GABRB3: variants seen among roughly 807,000 people sequenced by gnomAD.
The protein encoded by GABRB3 is gamma-aminobutyric acid receptor subunit beta-3.
In GABRB3, 14 loss-of-function variants were observed where a neutral mutation model predicts 52.1. That is an observed-to-expected ratio of 0.27 (90% confidence interval 0.18 to 0.42). The LOEUF (loss-of-function observed/expected upper bound fraction) is 0.42. Among genes scored for constraint, GABRB3 ranks in the 10% least tolerant of loss-of-function variants. The pLI, the probability that GABRB3 is intolerant of heterozygous loss-of-function variation, is 1.00. For synonymous variants in GABRB3, 260 were observed against 232.3 expected, an observed-to-expected ratio of 1.12 and a Z score of -1.08; for missense variants, 307 against 609.1, an observed-to-expected ratio of 0.50 and a Z score of 5.22.
intron 3 of GABRB3, among the ~76,000 whole-genome samples, chr15:26,706,314 T>C (rs562104772): frequency 6.6e-6 from 1 of 152,284 alleles, no homozygotes; most frequent in South Asian, 2.1e-4. Context: ...AAAATCTTCA[T>C]ACAAAAGAGT....
At chr15:26,664,093 T>G (rs894312658) in intron 3 of GABRB3, among the ~76,000 whole-genome samples, 3 of 152,152 alleles carry the variant, frequency 2.0e-5, no homozygotes, top group African/African-American at 7.2e-5. Flanking sequence ...ATTGCCCAGG[T>G]GGGAATGCAG....
intron 3 of GABRB3, among the ~76,000 whole-genome samples, chr15:26,769,859 C>T (rs968682735): frequency 1.3e-5 from 2 of 152,140 alleles, no homozygotes; most frequent in Admixed American, 6.5e-5. Flanking sequence ...GTCATATCTG[C>T]TCTAAGAGTT....
intron 3 of GABRB3, among the ~76,000 whole-genome samples, chr15:26,667,829 C>T (rs1887763601): frequency 6.6e-6 from 1 of 152,142 alleles, no homozygotes; most frequent in Non-Finnish European, 1.5e-5. Context: ...CCACGTGACT[C>T]AGAGGCATGC....
At chr15:26,681,689 C>T (rs190159202) in intron 3 of GABRB3, among the ~76,000 whole-genome samples, 47 of 152,314 alleles carry the variant, frequency 3.1e-4, no homozygotes, top group African/African-American at 1.1e-3. Flanking sequence ...TGGTCAGAGA[C>T]AGTGGCTCAT....
chr15:26,634,881 G>T (rs1372352566), intron 3 of GABRB3, among the ~76,000 whole-genome samples: 4 of 138,418 alleles, frequency 2.9e-5, no homozygotes, highest in African/African-American at 1.0e-4. Flanking sequence ...CATATTTATA[G>T]AGAGAAAAAA....
chr15:26,656,190 C>T (rs1887367971), intron 3 of GABRB3, among the ~76,000 whole-genome samples: 1 of 152,162 alleles, frequency 6.6e-6, no homozygotes, highest in South Asian at 2.1e-4. Flanking sequence ...CTCAGCAGAA[C>T]TCACCTGCCT....
chr15:26,576,179 G>C (rs1039118644), intron 6 of GABRB3, among the ~76,000 whole-genome samples: 1 of 152,180 alleles, frequency 6.6e-6, no homozygotes, highest in Non-Finnish European at 1.5e-5. Flanking sequence ...CTTTTAACCT[G>C]ATCCCGTAAT....
At chr15:26,746,754 G>A (rs1322275338) in intron 3 of GABRB3, among the ~76,000 whole-genome samples, 7 of 152,026 alleles carry the variant, frequency 4.6e-5, no homozygotes, top group Non-Finnish European at 1.0e-4. Flanking sequence ...TTGGGAGGCC[G>A]AGAGGGGCAG....
At chr15:26,761,677 C>T (rs936438521) in intron 3 of GABRB3, among the ~76,000 whole-genome samples, 5 of 152,096 alleles carry the variant, frequency 3.3e-5, no homozygotes, top group African/African-American at 1.2e-4. Flanking sequence ...TCCTCTGCTG[C>T]CACAGCCCCC....
At chr15:26,755,436 T>C (rs1429656624) in intron 3 of GABRB3, among the ~76,000 whole-genome samples, 1 of 152,356 alleles carries the variant, frequency 6.6e-6, no homozygotes, top group African/African-American at 2.4e-5. Context: ...TGAACATGTG[T>C]ATTCTATTGC....
intron 3 of GABRB3, among the ~76,000 whole-genome samples, chr15:26,634,815 T>G (rs1423896316): frequency 2.7e-5 from 4 of 149,550 alleles, no homozygotes; most frequent in Non-Finnish European, 5.9e-5. Context: ...ACTCACTAAA[T>G]ACGTGTGTAT....
intron 3 of GABRB3, among the ~76,000 whole-genome samples, chr15:26,751,982 C>A (rs777408525): frequency 3.9e-5 from 6 of 152,118 alleles, no homozygotes; most frequent in Non-Finnish European, 8.8e-5. Flanking sequence ...GCATGTCTGC[C>A]TCTCCCAAGA....
chr15:26,672,910 A>G (rs1171427415), intron 3 of GABRB3, among the ~76,000 whole-genome samples: 1 of 152,228 alleles, frequency 6.6e-6, no homozygotes, highest in Non-Finnish European at 1.5e-5. Context: ...TTGGGGTTGA[A>G]TAACTACTTA....
At position 26,734,108 on chromosome 15, in the gene GABRB3, C is replaced by A. The variant is rs1019581522; in HGVS notation, c.240+38294G>T. Among the ~76,000 whole-genome samples the A allele has an allele frequency of 3.1e-4, 44 of 141,202 alleles. 1 individual carries two copies. Among genetic ancestry groups the A allele is most frequent in the African/African-American group, 1.1e-3 (43 of 38,416 alleles). 92.6% of individuals were successfully genotyped at this position (141,202 alleles called of 152,430 possible). A position where few individuals can be genotyped will look rare whatever the true frequency, so the allele number is the denominator to read the frequency against. ...GCAATGGCATGATCTCGCCTCAACA[C>A]AACCTCCGCCTCCTGGGTTCAAGCA... On this transcript the variant is annotated intron_variant, in intron 3 of 8. Transcript: ENST00000311550.
intron 8 of GABRB3, among the ~76,000 whole-genome samples, chr15:26,554,044 T>TA: frequency 9.1e-6 from 1 of 109,624 alleles, no homozygotes; most frequent in Non-Finnish European, 1.8e-5. Flanking sequence ...TATTTATTTA[T>TA]TTATATTTAT....
At chr15:26,682,307 C>A (rs1331007349) in intron 3 of GABRB3, among the ~76,000 whole-genome samples, 1 of 152,196 alleles carries the variant, frequency 6.6e-6, no homozygotes, top group African/African-American at 2.4e-5. Flanking sequence ...CCCTGTGCAA[C>A]TGGCCCTTTT....
chr15:26,615,244 TAGTC>T (rs1177135080), intron 4 of GABRB3: 31 of 977,310 alleles, frequency 3.2e-5, no homozygotes, highest in Non-Finnish European at 3.4e-5. Flanking sequence ...ATTAGTCTCT[TAGTC>T]AGCCAAGATC....
At chr15:26,739,703 T>C (rs895273195) in intron 3 of GABRB3, among the ~76,000 whole-genome samples, 2 of 152,152 alleles carry the variant, frequency 1.3e-5, no homozygotes, top group Non-Finnish European at 2.9e-5. Flanking sequence ...ACATAATAGA[T>C]GTGTATATTT....
At chr15:26,659,789 C>T (rs1054576701) in intron 3 of GABRB3, among the ~76,000 whole-genome samples, 1 of 152,178 alleles carries the variant, frequency 6.6e-6, no homozygotes, top group South Asian at 2.1e-4. Flanking sequence ...ACCATGAGCA[C>T]CGGCCTGCAC....
Sources: allele counts gnomAD v4.1 joint callset (sites outside exome capture counted in the v4.1 genomes callset), GRCh38; gene constraint gnomAD v4.1.1; transcripts MANE v1.5; gene names NCBI Gene and HGNC (gene_info 2026-07-23, HGNC 2026-07-21).